TMEM132D: variants seen among roughly 807,000 people sequenced by gnomAD.
TMEM132D encodes the protein mature OL transmembrane protein.
A neutral mutation model predicts 62.3 loss-of-function variants in TMEM132D; 21 were observed. That is an observed-to-expected ratio of 0.34 (90% CI 0.24 to 0.49). The LOEUF (loss-of-function observed/expected upper bound fraction) is 0.49. Among genes scored for constraint, TMEM132D ranks in the 20% least tolerant of loss-of-function variants. The pLI is 0.99. For synonymous variants in TMEM132D, 621 were observed against 575.6 expected, an observed-to-expected ratio of 1.08 and a Z score of -1.13; for missense variants, 1,346 against 1,402.8, an observed-to-expected ratio of 0.96 and a Z score of 0.65.
At chr12:129,324,612 C>T (rs140458372) in intron 4 of TMEM132D, among the ~76,000 whole-genome samples, 1,797 of 152,152 alleles carry the variant, frequency 0.012, 38 homozygotes, top group African/African-American at 0.04. Context: ...GGGTGGATCA[C>T]GAGGTCAGGA....
At chr12:129,155,119 A>C (rs1877197630) in intron 5 of TMEM132D, among the ~76,000 whole-genome samples, 1 of 152,238 alleles carries the variant, frequency 6.6e-6, no homozygotes, top group Non-Finnish European at 1.5e-5. Context: ...GTAAAACAAA[A>C]CATTTGCAAG....
intron 3 of TMEM132D, among the ~76,000 whole-genome samples, chr12:129,440,045 C>T (rs915030102): frequency 1.3e-5 from 2 of 152,164 alleles, no homozygotes; most frequent in African/African-American, 2.4e-5. Flanking sequence ...TGTTATTTGG[C>T]GAAGCCTGAC....
chr12:129,396,989 C>G (rs1481616179), intron 3 of TMEM132D, among the ~76,000 whole-genome samples: 1 of 152,146 alleles, frequency 6.6e-6, no homozygotes, highest in East Asian at 1.9e-4. Context: ...AATTTGTTTT[C>G]ACTAGGAATA....
chr12:129,231,526 T>C (rs539255822), intron 4 of TMEM132D, among the ~76,000 whole-genome samples: 97 of 152,320 alleles, frequency 6.4e-4, no homozygotes, highest in African/African-American at 2.2e-3. Flanking sequence ...AAATAACCAA[T>C]TGTTCTTTTA....
At chr12:129,521,047 T>A (rs775476538) in intron 3 of TMEM132D, among the ~76,000 whole-genome samples, 16 of 152,186 alleles carry the variant, frequency 1.1e-4, no homozygotes, top group Non-Finnish European at 2.2e-4. Context: ...AGGAGATACT[T>A]TCTTATATTT....
At chr12:129,556,323 G>A (rs996838107) in intron 2 of TMEM132D, among the ~76,000 whole-genome samples, 3 of 152,206 alleles carry the variant, frequency 2.0e-5, no homozygotes, top group African/African-American at 7.2e-5. Flanking sequence ...GCCAACACCT[G>A]CCCACCTGAC....
intron 4 of TMEM132D, among the ~76,000 whole-genome samples, chr12:129,290,251 G>A (rs1881412995): frequency 6.6e-6 from 1 of 151,990 alleles, no homozygotes; most frequent in Non-Finnish European, 1.5e-5. Flanking sequence ...GCACTGAGGT[G>A]GGAGCATCTT....
At chr12:129,355,182 A>G (rs929472407) in intron 3 of TMEM132D, among the ~76,000 whole-genome samples, 1 of 152,204 alleles carries the variant, frequency 6.6e-6, no homozygotes, top group Non-Finnish European at 1.5e-5. Context: ...TCAAAAATAG[A>G]CATTGTGGAC....
intron 2 of TMEM132D, among the ~76,000 whole-genome samples, chr12:129,648,981 C>T (rs56332652): frequency 0.018 from 2,781 of 152,240 alleles, 88 homozygotes; most frequent in African/African-American, 0.058. Flanking sequence ...CAACTGACTC[C>T]GGAGGGAAGG....
chr12:129,114,410 C>T (rs532047779), intron 5 of TMEM132D, among the ~76,000 whole-genome samples: 4 of 151,412 alleles, frequency 2.6e-5, no homozygotes, highest in African/African-American at 9.7e-5. Flanking sequence ...CCCTCCTTCC[C>T]TCCTTCCCTC....
At chr12:129,614,384 G>A (rs542392759) in intron 2 of TMEM132D, among the ~76,000 whole-genome samples, 87 of 152,320 alleles carry the variant, frequency 5.7e-4, no homozygotes, top group Non-Finnish European at 1.2e-3. Context: ...CAAAGAGGAC[G>A]GGAAGGTGGG....
chr12:129,770,195 G>A (rs931260421), intron 1 of TMEM132D, among the ~76,000 whole-genome samples: 2 of 142,350 alleles, frequency 1.4e-5, no homozygotes, highest in Non-Finnish European at 3.0e-5. Context: ...TCAGGCTGGA[G>A]TGCAGTGGCA....
At chr12:129,365,725 C>T (rs1870387465) in intron 3 of TMEM132D, among the ~76,000 whole-genome samples, 1 of 152,064 alleles carries the variant, frequency 6.6e-6, no homozygotes, top group African/African-American at 2.4e-5. Context: ...TCTACCTTAC[C>T]TCAATGTGTC....
At chr12:129,854,968 G>A (rs1476722036) in intron 1 of TMEM132D, 1 of 152,394 alleles carries the variant, frequency 6.6e-6, no homozygotes, top group African/African-American at 2.4e-5. Context: ...TATTTGCAAT[G>A]ACTGGATGTT....
chr12:129,308,965 G>A (rs1443692277), intron 4 of TMEM132D, among the ~76,000 whole-genome samples: 3 of 152,180 alleles, frequency 2.0e-5, no homozygotes, highest in Admixed American at 2.0e-4. Flanking sequence ...GCAAAGAAGG[G>A]TACCTTAGGG....
intron 5 of TMEM132D, among the ~76,000 whole-genome samples, chr12:129,106,141 A>G (rs1875489292): frequency 6.6e-6 from 1 of 151,414 alleles, no homozygotes; most frequent in Non-Finnish European, 1.5e-5. Context: ...ATTGGAAATC[A>G]TCATTCTCAG....
At chr12:129,090,815 C>T (rs901005416) in intron 5 of TMEM132D, among the ~76,000 whole-genome samples, 3 of 152,232 alleles carry the variant, frequency 2.0e-5, no homozygotes, top group African/African-American at 7.2e-5. Context: ...GGCCTCCAAT[C>T]TGACTTGGCC....
chr12:129,574,401 T>C (rs896837816), intron 2 of TMEM132D, among the ~76,000 whole-genome samples: 1 of 151,840 alleles, frequency 6.6e-6, no homozygotes, highest in South Asian at 2.1e-4. Context: ...ATCAGAATCT[T>C]TGGGAATATT....
At chr12:129,148,352 T>G (rs1333444987) in intron 5 of TMEM132D, among the ~76,000 whole-genome samples, 1 of 152,104 alleles carries the variant, frequency 6.6e-6, no homozygotes, top group Non-Finnish European at 1.5e-5. Flanking sequence ...TAGATGTGAT[T>G]AAGGGTTTTA....
Sources: gnomAD v4.1 joint callset for allele counts (sites outside exome capture counted in the v4.1 genomes callset) on GRCh38, gnomAD v4.1.1 for gene constraint, MANE v1.5 for transcripts, NCBI Gene and HGNC (gene_info 2026-07-23, HGNC 2026-07-21) for gene names.